Variants in ROBO1 observed in about 807,000 individuals in gnomAD.
The protein encoded by ROBO1 is roundabout guidance receptor 1, also known as roundabout homolog 1.
In ROBO1, 149 loss-of-function variants were observed where a neutral mutation model predicts 195.9. That is an observed-to-expected ratio of 0.76 (90% CI 0.67 to 0.87). The LOEUF (loss-of-function observed/expected upper bound fraction) is 0.87. Ranked by LOEUF, ROBO1 falls within the 40% of genes least tolerant of loss-of-function variation. The pLI, the probability that ROBO1 is intolerant of heterozygous loss-of-function variation, is 0.00. For missense variants in ROBO1, 1,933 were observed against 2,068.3 expected (o/e 0.93, Z 1.27); for synonymous variants, 816 against 733.2 (o/e 1.11, Z -1.82).
At chr3:79,240,450 G>A (rs894147714) in intron 2 of ROBO1, among the ~76,000 whole-genome samples, 1 of 152,066 alleles carries the variant, frequency 6.6e-6, no homozygotes, top group African/African-American at 2.4e-5. Context: ...AAACATTTAA[G>A]TCTGCTTGAT....
In ROBO1 at chr3:78,604,164, G is replaced by A. The variant is rs1389360122; in HGVS notation, c.4744+2569C>T. 3.3e-5 allele frequency among the ~76,000 whole-genome samples: 5 copies of A among 151,938 alleles called. 1 individual carries two copies. Among genetic ancestry groups the A allele is most frequent in the Non-Finnish European group, 7.4e-5 (5 of 67,982 alleles). On this transcript the variant is annotated intron_variant, in intron 29 of 30. Transcript: ENST00000464233. ...TGGCTCACTGCAATCTCCTCCTCCC[G>A]GGTTCAAGCAATTCTCCTGCCTCAG...
chr3:79,683,944 C>A (rs1947025313), intron 1 of ROBO1, among the ~76,000 whole-genome samples: 1 of 151,944 alleles, frequency 6.6e-6, no homozygotes. Context: ...CACATGCTTT[C>A]AATTATGTTG....
At chr3:78,740,026 G>A (rs1189621239) in intron 5 of ROBO1, among the ~76,000 whole-genome samples, 1 of 152,134 alleles carries the variant, frequency 6.6e-6, no homozygotes, top group Non-Finnish European at 1.5e-5. Context: ...TAGATGTAGT[G>A]ACTGCATTAG....
intron 1 of ROBO1, among the ~76,000 whole-genome samples, chr3:79,746,525 A>G (rs536804472): frequency 6.6e-6 from 1 of 152,218 alleles, no homozygotes; most frequent in South Asian, 2.1e-4. Flanking sequence ...AAGTAATTTC[A>G]ATGACCAATT....
At chr3:78,814,691 T>C (rs913626273) in intron 4 of ROBO1, among the ~76,000 whole-genome samples, 1 of 152,116 alleles carries the variant, frequency 6.6e-6, no homozygotes, top group African/African-American at 2.4e-5. Flanking sequence ...GCCGTATTCA[T>C]AAAAATATAA....
At chr3:79,709,705 G>A (rs1012072561) in intron 1 of ROBO1, among the ~76,000 whole-genome samples, 4 of 150,818 alleles carry the variant, frequency 2.7e-5, no homozygotes, top group East Asian at 1.9e-4. Context: ...GTGTCCCTCC[G>A]CCTGCCCCAA....
At chr3:79,208,105 T>G (rs573607720) in intron 2 of ROBO1, among the ~76,000 whole-genome samples, 1 of 152,258 alleles carries the variant, frequency 6.6e-6, no homozygotes, top group South Asian at 2.1e-4. Flanking sequence ...CTTTCTGGAG[T>G]TTGAATATGG....
chr3:78,681,905 C>T (rs924326611), intron 10 of ROBO1, among the ~76,000 whole-genome samples: 15 of 151,968 alleles, frequency 9.9e-5, no homozygotes, highest in African/African-American at 2.9e-4. Flanking sequence ...ATAAAAAAGA[C>T]GGAGAAGCAT....
chr3:78,688,503 G>T, intron 9 of ROBO1, 145 bp downstream of exon 9: 1 of 814,370 alleles, frequency 1.2e-6, no homozygotes, highest in Non-Finnish European at 1.8e-6. Flanking sequence ...CTTTCTCATT[G>T]CTAAAATGTT....
chr3:79,291,116 A>G (rs2032219614), intron 2 of ROBO1, among the ~76,000 whole-genome samples: 1 of 152,194 alleles, frequency 6.6e-6, no homozygotes, highest in Admixed American at 6.5e-5. Flanking sequence ...TTCCATATTG[A>G]TAACTATTTT....
intron 26 of ROBO1, among the ~76,000 whole-genome samples, chr3:78,621,954 T>C (rs1704483829): frequency 1.3e-5 from 2 of 152,222 alleles, no homozygotes; most frequent in Admixed American, 6.5e-5. Flanking sequence ...TAAAAGTAAC[T>C]ATTACCTCAA....
At chr3:78,600,842 G>A (rs1703131980) in intron 29 of ROBO1, among the ~76,000 whole-genome samples, 1 of 152,086 alleles carries the variant, frequency 6.6e-6, no homozygotes, top group Admixed American at 6.5e-5. Context: ...TAAAAATCAA[G>A]CCCAGTCTCC....
At chr3:79,613,596 C>G (rs1196032346) in intron 1 of ROBO1, among the ~76,000 whole-genome samples, 2 of 151,904 alleles carry the variant, frequency 1.3e-5, no homozygotes, top group East Asian at 3.9e-4. Flanking sequence ...AAAAGGCAAA[C>G]ATGGTCAGAT....
chr3:78,817,618 A>G (rs2030229917), intron 4 of ROBO1, among the ~76,000 whole-genome samples: 2 of 152,236 alleles, frequency 1.3e-5, no homozygotes. Flanking sequence ...ACTTATGAGA[A>G]GAAAAAAATC....
chr3:79,714,973 A>G (rs1411243632), intron 1 of ROBO1, among the ~76,000 whole-genome samples: 1 of 151,958 alleles, frequency 6.6e-6, no homozygotes. Context: ...CATTGTGCAC[A>G]TGTACCCTAA....
chr3:79,756,919 T>G lies in ROBO1; in HGVS notation c.-51+10833A>C, dbSNP rs146114891. Among the ~76,000 whole-genome samples the G allele has an allele frequency of 2.0e-5, 3 of 152,328 alleles. No individual in the cohort carries two copies. In the South Asian group the frequency reaches 6.2e-4, roughly 32 times the overall value. ...GTGGAACCACATAATATTTATCCTG[T>G]TTTTTGGCATATTTTATTTATCATA... is the stretch of plus-strand genomic sequence containing the variant. On this transcript the variant is annotated intron_variant, in intron 1 of 30. Transcript: ENST00000464233.
intron 2 of ROBO1, among the ~76,000 whole-genome samples, chr3:79,180,407 A>T (rs190455590): frequency 5.0e-4 from 76 of 152,268 alleles, no homozygotes; most frequent in African/African-American, 1.7e-3. Flanking sequence ...GGAGAAATAA[A>T]TTTTTTAAAA....
At chr3:78,844,766 A>G (rs1321326388) in intron 4 of ROBO1, among the ~76,000 whole-genome samples, 3 of 152,148 alleles carry the variant, frequency 2.0e-5, no homozygotes, top group Admixed American at 2.0e-4. Flanking sequence ...GAAAGTATAC[A>G]TTCTGTGAAT....
intron 1 of ROBO1, among the ~76,000 whole-genome samples, chr3:79,721,494 C>T (rs149221579): frequency 5.0e-4 from 76 of 152,198 alleles, no homozygotes; most frequent in African/African-American, 1.7e-3. Context: ...ACTTTCTGGA[C>T]GGACACATTA....
Sources: gnomAD v4.1 joint callset for allele counts (sites outside exome capture counted in the v4.1 genomes callset) on GRCh38, gnomAD v4.1.1 for gene constraint, MANE v1.5 for transcripts, NCBI Gene and HGNC (gene_info 2026-07-23, HGNC 2026-07-21) for gene names.